The following DNAL1 variants were observed in gnomAD, a reference collection of about 807,000 sequenced individuals.
DNAL1 encodes the protein chromosome 14 open reading frame 168.
A neutral mutation model predicts 29.4 loss-of-function variants in DNAL1; 17 were observed. The ratio of observed to expected loss-of-function variants is 0.58; its 90% CI spans 0.40 to 0.87. The LOEUF is 0.87. Ranked by LOEUF, DNAL1 falls within the 40% of genes least tolerant of loss-of-function variation. DNAL1 has a pLI of 0.00. For missense variants in DNAL1, 188 were observed against 214.1 expected (o/e 0.88, Z 0.76); for synonymous variants, 78 against 76.3 (o/e 1.02, Z -0.12).
intron 1 of DNAL1, among the ~76,000 whole-genome samples, chr14:73,647,364 C>CAAA (rs199974495): frequency 2.4e-4 from 22 of 92,684 alleles, no homozygotes; most frequent in Non-Finnish European, 3.9e-4. Context: ...GACTCTGTCT[C>CAAA]AAAAAAAAAA....
intron 1 of DNAL1, chr14:73,653,232 T>G (rs1489268979): frequency 6.6e-6 from 1 of 152,258 alleles, no homozygotes; most frequent in Admixed American, 6.5e-5. Context: ...TCTGATTGGT[T>G]GGTTCATATG....
chr14:73,651,237 T>G (rs1225150577), intron 1 of DNAL1: 1 of 152,128 alleles, frequency 6.6e-6, no homozygotes, highest in African/African-American at 2.4e-5. Flanking sequence ...CAGCCTTGGC[T>G]TCCCATAGTG....
chr14:73,647,502 A>G (rs1241604808), intron 1 of DNAL1, among the ~76,000 whole-genome samples: 1 of 152,206 alleles, frequency 6.6e-6, no homozygotes, highest in Non-Finnish European at 1.5e-5. Flanking sequence ...GATACATAAA[A>G]TAAAGGTGTT....
At chr14:73,656,610 G>C (rs1028388619) in intron 2 of DNAL1, among the ~76,000 whole-genome samples, 6 of 151,936 alleles carry the variant, frequency 3.9e-5, no homozygotes, top group Non-Finnish European at 7.4e-5. Context: ...TGTTGTTGTA[G>C]AGACAGAGTC....
chr14:73,666,831 T>G (rs1891494181), intron 4 of DNAL1, among the ~76,000 whole-genome samples: 1 of 152,186 alleles, frequency 6.6e-6, no homozygotes. Flanking sequence ...TTAAAGCATT[T>G]TCAGTATTTG....
chr14:73,668,853 T>C (rs1423611551), intron 4 of DNAL1, among the ~76,000 whole-genome samples: 1 of 152,046 alleles, frequency 6.6e-6, no homozygotes, highest in Non-Finnish European at 1.5e-5. Context: ...ATTTTTTTAT[T>C]TTTAGTAGAG....
Position 73,662,025 on chromosome 14 carries a change from C to T in DNAL1, c.191C>T (p.Ala64Val). 6.4e-7 allele frequency: 1 copy of T among 1,560,026 alleles called. No individual in the cohort carries two copies. The highest frequency in any genetic ancestry group is 8.7e-7 in the Non-Finnish European group (1 of 1,150,744). Residue 64 changes from alanine to valine, a missense_variant, in exon 4 of 8, where the codon GCC becomes GTC. Coordinates refer to ENST00000553645, the MANE Select transcript of DNAL1 (RefSeq NM_031427.4). ...SLSTNCIEKI[A>V]NLNGLKNLRI... Reference sequence around the variant, plus strand: ...TCTACAAACTGCATTGAAAAAATTGCCAACCTGAATGGCTTAAGTAAGTGA... The same window carrying T: ...TCTACAAACTGCATTGAAAAAATTGTCAACCTGAATGGCTTAAGTAAGTGA...
At chr14:73,659,044 C>T in intron 3 of DNAL1, 88 bp downstream of exon 3, 2 of 942,540 alleles carry the variant, frequency 2.1e-6, no homozygotes, top group South Asian at 2.8e-5. Context: ...TGTTTGTTTT[C>T]TGTGGTCTTC....
intron 5 of DNAL1, among the ~76,000 whole-genome samples, chr14:73,680,003 C>T (rs1891838913): frequency 6.6e-6 from 1 of 151,636 alleles, no homozygotes; most frequent in African/African-American, 2.4e-5. Flanking sequence ...CAGTTTCTTT[C>T]TGTTTGTTGT....
intron 5 of DNAL1, among the ~76,000 whole-genome samples, chr14:73,680,448 T>C (rs1242677202): frequency 2.0e-5 from 3 of 152,178 alleles, no homozygotes; most frequent in African/African-American, 7.2e-5. Context: ...TTCAGTAGAA[T>C]TCCATAGTTT....
intron 1 of DNAL1, among the ~76,000 whole-genome samples, chr14:73,648,431 GTTTT>G (rs1281381498): frequency 7.0e-5 from 2 of 28,642 alleles, no homozygotes; most frequent in African/African-American, 2.3e-4. Flanking sequence ...TTGTTTGTTT[GTTTT>G]TGTTTTTTGG....
At chr14:73,677,814 C>T (rs559710626) in intron 5 of DNAL1, among the ~76,000 whole-genome samples, 615 of 150,964 alleles carry the variant, frequency 4.1e-3, no homozygotes, top group Non-Finnish European at 7.5e-3. Context: ...ACCTTGGCCT[C>T]CCAAAGTGCT....
At chr14:73,645,684 A>C (rs73295376) in intron 1 of DNAL1, among the ~76,000 whole-genome samples, 6,085 of 152,262 alleles carry the variant, frequency 0.04, 365 homozygotes, top group African/African-American at 0.14. Context: ...GTGATTATAA[A>C]ATTGGAGGGC....
At chr14:73,654,801 C>A in intron 1 of DNAL1, 46 bp from the exon 2 acceptor site, 1 of 1,476,620 alleles carries the variant, frequency 6.8e-7, no homozygotes, top group Non-Finnish European at 9.0e-7. Flanking sequence ...TTCATACATA[C>A]ATACAACTTT....
At chr14:73,687,635 G>A (rs1376071157) in intron 6 of DNAL1, among the ~76,000 whole-genome samples, 1 of 152,206 alleles carries the variant, frequency 6.6e-6, no homozygotes, top group Admixed American at 6.5e-5. Context: ...AACTTTGGGA[G>A]GCCGAGGCGG....
At chr14:73,645,995 A>G (rs1435078235) in intron 1 of DNAL1, among the ~76,000 whole-genome samples, 1 of 152,218 alleles carries the variant, frequency 6.6e-6, no homozygotes, top group Non-Finnish European at 1.5e-5. Flanking sequence ...GTGGGCAGAA[A>G]TTGAGCCCAG....
intron 7 of DNAL1, among the ~76,000 whole-genome samples, chr14:73,692,610 G>GAA (rs59651369): frequency 8.1e-6 from 1 of 123,322 alleles, no homozygotes. Context: ...AGTGAGCCGA[G>GAA]AAAAAAAAAA....
chr14:73,686,469 C>T lies in DNAL1; in HGVS notation c.265-790C>T, dbSNP rs146609874. Reference sequence around the variant, plus strand: ...GCCTTAATCCAGCACTTTGGGAGGCCGAGGCGGGCAGATCCCTTGAGTCCA... The same window carrying T: ...GCCTTAATCCAGCACTTTGGGAGGCTGAGGCGGGCAGATCCCTTGAGTCCA... On this transcript the variant is annotated intron_variant, in intron 5 of 7. Coordinates refer to ENST00000553645, the MANE Select transcript of DNAL1 (RefSeq NM_031427.4). Among the ~76,000 whole-genome samples, 800 of 152,158 alleles carry T rather than the reference C, an allele frequency of 5.3e-3. 8 individuals are homozygous for T. Among genetic ancestry groups the T allele is most frequent in the African/African-American group, 0.018 (752 of 41,504 alleles).
rs375259037 is a variant in DNAL1 at position 73,696,366 on chromosome 14, A to G, written c.*424A>G. The stretch of plus-strand genomic sequence containing the variant: ...TTTCCTGAAGGTCTGTCTCTGTACA[A>G]TTCAGAAGCACATGCCTTTAGCTCA... On this transcript the variant is annotated 3_prime_UTR_variant, in exon 8 of 8. Transcript: ENST00000553645. 8.3e-4 allele frequency: 128 copies of G among 153,766 alleles called. 2 individuals are homozygous for G. The South Asian group carries it at 0.026, about 31-fold the overall frequency. 9.5% of individuals were successfully genotyped at this position (153,766 alleles called of 1,614,324 possible).
Sources: allele counts gnomAD v4.1 joint callset (sites outside exome capture counted in the v4.1 genomes callset), GRCh38; gene constraint gnomAD v4.1.1; transcripts MANE v1.5; gene names NCBI Gene and HGNC (gene_info 2026-07-23, HGNC 2026-07-21).